Variants in SCLT1 observed in about 807,000 individuals in gnomAD.
SCLT1 encodes sodium channel-associated protein 1.
In SCLT1, 78 loss-of-function variants were observed where a neutral mutation model predicts 112.8. The observed-to-expected ratio is 0.69, with a 90% CI of 0.58 to 0.83. The LOEUF (loss-of-function observed/expected upper bound fraction) is 0.83. Ranked by LOEUF, SCLT1 falls within the 40% of genes least tolerant of loss-of-function variation. The probability of loss-of-function intolerance (pLI) is 0.00; values close to 1 mark genes in which losing one functional copy is unlikely to be tolerated. For synonymous variants in SCLT1, 257 were observed against 254.7 expected (o/e 1.01, Z -0.09); for missense variants, 747 against 770.4 (o/e 0.97, Z 0.36).
At chr4:128,880,302 G>C (rs1035045412), downstream of SCLT1, among the ~76,000 whole-genome samples, 38 of 152,140 alleles carry the variant, frequency 2.5e-4, no homozygotes, top group Non-Finnish European at 2.8e-4. Context: ...ATTTCAATCT[G>C]TCTGGTCCTC....
intron 3 of SCLT1, among the ~76,000 whole-genome samples, chr4:129,043,711 C>T (rs1253730171): frequency 2.0e-5 from 3 of 152,206 alleles, no homozygotes; most frequent in Non-Finnish European, 2.9e-5. Flanking sequence ...TACTTGGCCT[C>T]TACCCATTAG....
chr4:128,950,749 TTCATCCATCAAAG>T (rs1203923304), intron 14 of SCLT1, among the ~76,000 whole-genome samples: 2 of 152,142 alleles, frequency 1.3e-5, no homozygotes, highest in African/African-American at 4.8e-5. Context: ...TTCCAAAAAA[TTCATCCATCAAAG>T]AAAAGATCAT....
intron 2 of SCLT1, among the ~76,000 whole-genome samples, chr4:129,059,149 C>T (rs148680837): frequency 0.01 from 1,543 of 152,230 alleles, 15 homozygotes; most frequent in Middle Eastern, 0.051. Context: ...CCCATGCCTT[C>T]TCTTTCCATC....
chr4:128,932,135 TG>T (rs1392650384), intron 18 of SCLT1, among the ~76,000 whole-genome samples: 2 of 152,164 alleles, frequency 1.3e-5, no homozygotes, highest in African/African-American at 4.8e-5. Context: ...TTTATGCTTT[TG>T]AGGAGGAATA....
At chr4:129,067,105 T>C (rs931021950) in intron 2 of SCLT1, among the ~76,000 whole-genome samples, 2 of 152,164 alleles carry the variant, frequency 1.3e-5, no homozygotes, top group Admixed American at 6.5e-5. Flanking sequence ...TTTTGATGTA[T>C]GCTTGAGGTA....
intron 18 of SCLT1, among the ~76,000 whole-genome samples, chr4:128,916,064 G>C (rs892711305): frequency 6.6e-6 from 1 of 152,172 alleles, no homozygotes; most frequent in African/African-American, 2.4e-5. Context: ...ATCTGCTTTT[G>C]TTTCTGGATC....
At chr4:128,971,750 C>G (rs2034498) in intron 9 of SCLT1, 1 of 151,984 alleles carries the variant, frequency 6.6e-6, no homozygotes, top group Admixed American at 6.6e-5. Context: ...AGGCCAGGTG[C>G]GGTGGCTCAT....
intron 5 of SCLT1, among the ~76,000 whole-genome samples, chr4:129,009,237 C>T (rs527937124): frequency 1.2e-3 from 179 of 152,158 alleles, no homozygotes; most frequent in African/African-American, 3.8e-3. Context: ...AGATCCAAGC[C>T]GGGCGCGGTG....
intron 2 of SCLT1, among the ~76,000 whole-genome samples, chr4:129,065,725 A>T (rs1192391440): frequency 6.6e-6 from 1 of 152,126 alleles, no homozygotes; most frequent in Admixed American, 6.6e-5. Context: ...GGAAATAAGT[A>T]AAAGGCTCAA....
intron 2 of SCLT1, among the ~76,000 whole-genome samples, chr4:129,053,571 T>G (rs1420533794): frequency 2.5e-5 from 3 of 120,104 alleles, no homozygotes; most frequent in African/African-American, 7.2e-5. Flanking sequence ...TTTTTTTTTT[T>G]TTTTTTTTTT....
chr4:128,877,357 G>A (rs1268925988), intron 3 of SCLT1, among the ~76,000 whole-genome samples: 1 of 152,072 alleles, frequency 6.6e-6, no homozygotes, highest in Non-Finnish European at 1.5e-5. Flanking sequence ...ATTGAGACCC[G>A]TAGGCTGTAC....
At chr4:128,966,986 A>G (rs571645657) in intron 10 of SCLT1, among the ~76,000 whole-genome samples, 1 of 151,992 alleles carries the variant, frequency 6.6e-6, no homozygotes, top group African/African-American at 2.4e-5. Context: ...CCTGATAGGT[A>G]GTTTTTCAGT....
intron 13 of SCLT1, among the ~76,000 whole-genome samples, chr4:128,954,804 T>C (rs1426782013): frequency 1.3e-5 from 2 of 152,198 alleles, no homozygotes; most frequent in East Asian, 3.8e-4. Flanking sequence ...AATGAGGTTG[T>C]TATTATTTCC....
At chr4:128,988,008 G>GA (rs894764261) in intron 9 of SCLT1, among the ~76,000 whole-genome samples, 7 of 146,270 alleles carry the variant, frequency 4.8e-5, no homozygotes, top group South Asian at 4.3e-4. Flanking sequence ...AACTTTCACA[G>GA]AAAAAAAAAA....
At chr4:128,981,649 C>T (rs781506423) in intron 9 of SCLT1, among the ~76,000 whole-genome samples, 1 of 151,594 alleles carries the variant, frequency 6.6e-6, no homozygotes, top group Admixed American at 6.6e-5. Context: ...ACTCACTGGC[C>T]CCCTACCCGC....
chr4:129,083,945 T>A (rs1048933193), intron 1 of SCLT1, among the ~76,000 whole-genome samples: 6 of 151,912 alleles, frequency 3.9e-5, no homozygotes, highest in African/African-American at 1.5e-4. Flanking sequence ...TGATAAGAAA[T>A]ATGATCATCT....
intron 9 of SCLT1, among the ~76,000 whole-genome samples, chr4:128,982,701 C>T (rs1424889813): frequency 6.6e-6 from 1 of 152,062 alleles, no homozygotes; most frequent in African/African-American, 2.4e-5. Context: ...GGGGTTTCAC[C>T]ATGTTGGCCA....
chr4:129,028,549 T>C (rs978438095), intron 5 of SCLT1, among the ~76,000 whole-genome samples: 7 of 152,134 alleles, frequency 4.6e-5, no homozygotes, highest in East Asian at 1.9e-4. Flanking sequence ...AAGACTTAAA[T>C]GTGAGACCTA....
intron 2 of SCLT1, among the ~76,000 whole-genome samples, chr4:129,063,549 G>C (rs1408216462): frequency 6.6e-6 from 1 of 152,166 alleles, no homozygotes; most frequent in Non-Finnish European, 1.5e-5. Flanking sequence ...CCCATCTAGG[G>C]GGTGCACATG....
Sources: allele counts gnomAD v4.1 joint callset (sites outside exome capture counted in the v4.1 genomes callset), GRCh38; gene constraint gnomAD v4.1.1; transcripts MANE v1.5; gene names NCBI Gene and HGNC (gene_info 2026-07-23, HGNC 2026-07-21).